The following BABAM2 variants were observed in gnomAD, a reference collection of about 807,000 sequenced individuals.
BABAM2 encodes the protein BRISC and BRCA1-A complex member 2.
A neutral mutation model predicts 54.7 loss-of-function variants in BABAM2; 31 were observed. The observed-to-expected ratio is 0.57, with a 90% CI of 0.43 to 0.77. The LOEUF (loss-of-function observed/expected upper bound fraction) is 0.77. Ranked by LOEUF, BABAM2 falls within the 30% of genes least tolerant of loss-of-function variation. The pLI is 0.00. For synonymous variants in BABAM2, 167 were observed against 162.9 expected, an observed-to-expected ratio of 1.03 and a Z score of -0.19; for missense variants, 364 against 455.8, an observed-to-expected ratio of 0.80 and a Z score of 1.83.
At chr2:28,241,644 G>A (rs895265878) in intron 9 of BABAM2, among the ~76,000 whole-genome samples, 5 of 152,088 alleles carry the variant, frequency 3.3e-5, no homozygotes, top group African/African-American at 1.2e-4. Flanking sequence ...ATAGGCATGG[G>A]CCACCACACC....
At chr2:28,053,742 G>C (rs1330244364) in intron 6 of BABAM2, among the ~76,000 whole-genome samples, 2 of 152,090 alleles carry the variant, frequency 1.3e-5, no homozygotes, top group African/African-American at 2.4e-5. Context: ...GGTCCAGCAG[G>C]CTCCTCTAAA....
Position 27,976,838 on chromosome 2 carries a change from A to G in BABAM2, c.206-11155A>G, listed in dbSNP as rs141914200. On this transcript the variant is annotated intron_variant, in intron 3 of 11. Transcript: ENST00000379624. ...TTTCTATTACATAGCACTGCTTCAG[A>G]TATTAGAAGTGCAAAGAAGGATTAG... Among the ~76,000 whole-genome samples the G allele has an allele frequency of 8.1e-3, 1,229 of 152,246 alleles. 13 individuals are homozygous for G. The highest frequency in any genetic ancestry group is 0.029 in the African/African-American group (1,188 of 41,558).
At chr2:28,059,052 T>G (rs1205164438) in intron 6 of BABAM2, among the ~76,000 whole-genome samples, 1 of 152,136 alleles carries the variant, frequency 6.6e-6, no homozygotes, top group Non-Finnish European at 1.5e-5. Flanking sequence ...GTTTTATTCT[T>G]TTTGCTTAGC....
chr2:28,023,250 AC>A (rs1675403484), intron 4 of BABAM2, among the ~76,000 whole-genome samples: 1 of 152,244 alleles, frequency 6.6e-6, no homozygotes, highest in African/African-American at 2.4e-5. Context: ...TTGCCAAATA[AC>A]TAAGGAGAAA....
At chr2:27,925,102 G>A (rs763412216) in intron 2 of BABAM2, among the ~76,000 whole-genome samples, 4 of 152,158 alleles carry the variant, frequency 2.6e-5, no homozygotes, top group Non-Finnish European at 5.9e-5. Context: ...GTGCTTTTGG[G>A]AAGTATTACT....
At chr2:28,112,143 TTCTTTACC>T (rs1344812437) in intron 6 of BABAM2, among the ~76,000 whole-genome samples, 25 of 12,554 alleles carry the variant, frequency 2.0e-3, no homozygotes, top group African/African-American at 3.2e-3. Context: ...CTTTCTTTCT[TTCTTTACC>T]TCCCTCCCTC....
intron 10 of BABAM2, among the ~76,000 whole-genome samples, chr2:28,260,299 C>CTTTTTTTTTTTTT: frequency 8.3e-6 from 1 of 120,426 alleles, no homozygotes; most frequent in Non-Finnish European, 1.8e-5. Flanking sequence ...TATTTCTTTT[C>CTTTTTTTTTTTTT]TTTTTTTTTT....
At chr2:28,015,508 G>A (rs542858017) in intron 4 of BABAM2, among the ~76,000 whole-genome samples, 40 of 152,094 alleles carry the variant, frequency 2.6e-4, no homozygotes, top group African/African-American at 8.9e-4. Flanking sequence ...TAATACAACT[G>A]CAGTGTATTA....
intron 2 of BABAM2, among the ~76,000 whole-genome samples, chr2:27,925,445 G>T (rs530437244): frequency 6.6e-6 from 1 of 152,094 alleles, no homozygotes; most frequent in South Asian, 2.1e-4. Context: ...CAGATCTAAA[G>T]TGGTTATTAT....
chr2:27,930,495 C>G (rs566616087), intron 3 of BABAM2: 1 of 152,210 alleles, frequency 6.6e-6, no homozygotes, highest in Non-Finnish European at 1.5e-5. Context: ...ACTGGGACGC[C>G]CTGTCACTTA....
intron 3 of BABAM2, among the ~76,000 whole-genome samples, chr2:27,977,547 G>A (rs139314779): frequency 4.6e-5 from 7 of 152,242 alleles, no homozygotes; most frequent in African/African-American, 1.7e-4. Context: ...CATAATAGGA[G>A]TCACTACTGA....
At chr2:28,308,339 T>C (rs1043966772) in intron 11 of BABAM2, 7 of 468,024 alleles carry the variant, frequency 1.5e-5, no homozygotes, top group African/African-American at 1.4e-4. Context: ...AGCAGAAATA[T>C]GCTTGGAAGA....
Position 28,237,363 on chromosome 2 carries a change from C to T in BABAM2, c.780+62C>T, listed in dbSNP as rs1682008396. On this transcript the variant is annotated intron_variant, in intron 8 of 11. Coordinates refer to ENST00000379624, the MANE Select transcript of BABAM2 (RefSeq NM_199191.3). ...TTTCTTCCTCCAGTCCACCACGTAC[C>T]CAAAATCATCGTGCATGCTCCATCC... is the stretch of plus-strand genomic sequence containing the variant. 3.5e-6 allele frequency: 5 copies of T among 1,446,126 alleles called. No individual in the cohort carries two copies. The Admixed American group carries it at 5.0e-5, about 15-fold the overall frequency. The allele number at this position is 1,446,126 out of a possible 1,614,324, so 89.6% of individuals were successfully genotyped here. A position where few individuals can be genotyped will look rare whatever the true frequency, so the allele number is the denominator to read the frequency against.
At chr2:28,020,986 CACACAA>C (rs1675207851) in intron 4 of BABAM2, among the ~76,000 whole-genome samples, 1 of 151,570 alleles carries the variant, frequency 6.6e-6, no homozygotes. Flanking sequence ...CACACACACA[CACACAA>C]ACTACTTGTA....
At chr2:27,919,286 A>G (rs573083175) in intron 2 of BABAM2, among the ~76,000 whole-genome samples, 24 of 152,296 alleles carry the variant, frequency 1.6e-4, no homozygotes, top group African/African-American at 5.5e-4. Context: ...TTCTATGTTC[A>G]CAGTCACATT....
chr2:27,917,014 C>CTTTTTTTTTTT (rs753765833), intron 2 of BABAM2, among the ~76,000 whole-genome samples: 2 of 90,108 alleles, frequency 2.2e-5, no homozygotes, highest in Admixed American at 1.2e-4. Flanking sequence ...TCACTCCAAA[C>CTTTTTTTTTTT]TTTTTTTTTT....
chr2:28,017,319 C>T (rs1338300489), intron 4 of BABAM2, among the ~76,000 whole-genome samples: 2 of 151,464 alleles, frequency 1.3e-5, no homozygotes, highest in East Asian at 3.9e-4. Flanking sequence ...AAAAATCATG[C>T]TTGTTCAGTT....
intron 6 of BABAM2, among the ~76,000 whole-genome samples, chr2:28,105,529 G>A (rs532474158): frequency 2.6e-5 from 4 of 152,136 alleles, no homozygotes; most frequent in Non-Finnish European, 5.9e-5. Flanking sequence ...TTTTTCTAGT[G>A]CTCTGTTTAC....
At chr2:28,192,078 AGGCTGGAGTGCAGT>A (rs991968778) in intron 7 of BABAM2, among the ~76,000 whole-genome samples, 5 of 152,170 alleles carry the variant, frequency 3.3e-5, no homozygotes, top group African/African-American at 1.2e-4. Flanking sequence ...TCTGTCACCC[AGGCTGGAGTGCAGT>A]GGCACGATCT....
Sources: gnomAD v4.1 joint callset for allele counts (sites outside exome capture counted in the v4.1 genomes callset) on GRCh38, gnomAD v4.1.1 for gene constraint, MANE v1.5 for transcripts, NCBI Gene and HGNC (gene_info 2026-07-23, HGNC 2026-07-21) for gene names.